The following IMMT variants were observed in gnomAD, a reference collection of about 807,000 sequenced individuals.
The protein encoded by IMMT is MICOS complex subunit MIC60.
A neutral mutation model predicts 92.7 loss-of-function variants in IMMT; 40 were observed. The observed-to-expected ratio is 0.43, with a 90% CI of 0.34 to 0.56. The LOEUF (loss-of-function observed/expected upper bound fraction) is 0.56. Among genes scored for constraint, IMMT ranks in the 20% least tolerant of loss-of-function variants. IMMT has a pLI of 0.03. For synonymous variants in IMMT, 322 were observed against 336.1 expected (o/e 0.96, Z 0.46); for missense variants, 831 against 912.1 (o/e 0.91, Z 1.14).
chr2:86,144,304 G>T lies in IMMT; in HGVS notation c.2241C>A (p.Ala747=). 1.2e-6 allele frequency: 2 copies of T among 1,613,830 alleles called. No homozygotes were observed. Among genetic ancestry groups the T allele is most frequent in the East Asian group, 2.2e-5 (1 of 44,876 alleles). ...GCACCTGAGTGGTTCCTATTCCTAC[G>T]GCGCTGGCATATGCTGTCAGGATTT... ...IVEILTAYAS[A]VGIGTTQVQP... Residue 747 remains alanine (A), a synonymous_variant, in exon 15 of 15, where the codon GCC becomes GCA. Transcript: ENST00000410111.
intron 10 of IMMT, among the ~76,000 whole-genome samples, chr2:86,154,150 C>T (rs112061166): frequency 0.055 from 8,272 of 151,182 alleles, 774 homozygotes; most frequent in African/African-American, 0.19. Flanking sequence ...AGGCATGAGC[C>T]ACTGCACCCA....
intron 1 of IMMT, chr2:86,193,155 G>C (rs1673268840): frequency 6.6e-6 from 1 of 151,802 alleles, no homozygotes; most frequent in Non-Finnish European, 1.5e-5. Context: ...TATATTCCCA[G>C]CATTTTGGGA....
chr2:86,152,955 G>A lies in IMMT; in HGVS notation c.1177+605C>T, dbSNP rs1413743965. On this transcript the variant is annotated intron_variant, in intron 11 of 14. Transcript: ENST00000410111. ...ATTGACTAAACTCAACATGTGGAAC[G>A]TCTATGGGTTATCGATTCAAATAAA... Among the ~76,000 whole-genome samples the A allele has an allele frequency of 3.3e-5, 5 of 152,174 alleles. No individual in the cohort carries two copies. The East Asian group carries it at 5.8e-4, about 18-fold the overall frequency.
chr2:86,171,860 A>G (rs201083427), intron 4 of IMMT, among the ~76,000 whole-genome samples: 2 of 112,538 alleles, frequency 1.8e-5, no homozygotes, highest in East Asian at 4.2e-4. Flanking sequence ...ATATATATAT[A>G]TATTTTTTGC....
rs1433663669 is a variant in IMMT, at chr2:86,146,624, A to G, written c.1534-427T>C. Among the ~76,000 whole-genome samples, 4 of 152,154 alleles carry G rather than the reference A, an allele frequency of 2.6e-5. No individual in the cohort carries two copies. The East Asian group carries it at 7.7e-4, about 29-fold the overall frequency. On this transcript the variant is annotated intron_variant, in intron 13 of 14. Coordinates refer to ENST00000410111, the MANE Select transcript of IMMT (RefSeq NM_006839.3). ...GTGATCCGCCCACCTCGGCCTCCCA[A>G]AGTGCTGGGATTACAGGCGTGAGCC...
In IMMT at chr2:86,145,356, G is replaced by A. The variant is rs954165773; in HGVS notation, c.1664-475C>T. On this transcript the variant is annotated intron_variant, in intron 14 of 14. Transcript: ENST00000410111. Reference sequence around the variant, plus strand: ...CTAAAAATACAAAACCTAGCCAGGCGTGGTGGCACGCACCTGTATTCCCAG... The same window carrying A: ...CTAAAAATACAAAACCTAGCCAGGCATGGTGGCACGCACCTGTATTCCCAG... Among the ~76,000 whole-genome samples the A allele has an allele frequency of 5.1e-4, 77 of 152,016 alleles. 1 individual carries two copies. Among genetic ancestry groups the A allele is most frequent in the Admixed American group, 4.9e-3 (75 of 15,264 alleles).
At chr2:86,182,455 C>T (rs920400135) in intron 1 of IMMT, among the ~76,000 whole-genome samples, 5 of 152,170 alleles carry the variant, frequency 3.3e-5, no homozygotes, top group Admixed American at 6.5e-5. Context: ...AAACAGCTAA[C>T]TAATGCAGTC....
chr2:86,161,023 G>A (rs535242406), intron 8 of IMMT, among the ~76,000 whole-genome samples: 12 of 152,002 alleles, frequency 7.9e-5, no homozygotes, highest in African/African-American at 2.9e-4. Flanking sequence ...GCTTGAGCCC[G>A]GGAGGTTGAG....
At chr2:86,150,944 T>C (rs773563442) in intron 12 of IMMT, among the ~76,000 whole-genome samples, 1 of 151,558 alleles carries the variant, frequency 6.6e-6, no homozygotes, top group Non-Finnish European at 1.5e-5. Flanking sequence ...TTTGAGACAG[T>C]CTTGCTCCAT....
In IMMT at chr2:86,151,416, G is replaced by C. The variant is rs1675461346; in HGVS notation, c.1282C>G (p.Gln428Glu). Residue 428 changes from glutamine to glutamate, a missense_variant, in exon 12 of 15, where the codon CAG becomes GAG. Coordinates refer to ENST00000410111, the MANE Select transcript of IMMT (RefSeq NM_006839.3). ...ELAEQKATEK[Q>E]HITLALEKQK... ...TTCTCCAAGGCTAACGTGATGTGCT[G>C]CTTTTCGGTGGCCTTCTGTTCTGCC... The C allele has an allele frequency of 3.7e-6, 6 of 1,613,958 alleles. No individual in the cohort carries two copies. Among genetic ancestry groups the C allele is most frequent in the Non-Finnish European group, 5.1e-6 (6 of 1,179,872 alleles).
chr2:86,153,092 T>A (rs2104723525), intron 11 of IMMT, among the ~76,000 whole-genome samples: 1 of 152,280 alleles, frequency 6.6e-6, no homozygotes, highest in African/African-American at 2.4e-5. Context: ...TATGGTGATG[T>A]TTTTGAAACA....
chr2:86,186,157 C>T (rs1193080153), intron 1 of IMMT, among the ~76,000 whole-genome samples: 3 of 152,254 alleles, frequency 2.0e-5, no homozygotes, highest in Middle Eastern at 3.4e-3. Context: ...CCCTAGGGAC[C>T]ACATTCAAGA....
intron 13 of IMMT, among the ~76,000 whole-genome samples, chr2:86,146,638 C>G (rs190406785): frequency 6.6e-6 from 1 of 152,118 alleles, no homozygotes; most frequent in Admixed American, 6.5e-5. Flanking sequence ...GCTGGGATTA[C>G]AGGCGTGAGC....
At chr2:86,148,570 CTG>C (rs1675221236) in intron 12 of IMMT, among the ~76,000 whole-genome samples, 2 of 152,198 alleles carry the variant, frequency 1.3e-5, no homozygotes, top group Non-Finnish European at 2.9e-5. Context: ...CAAGATTGCG[CTG>C]CTGCACTCCA....
chr2:86,171,964 T>G (rs1393751929), intron 4 of IMMT, among the ~76,000 whole-genome samples: 154 of 39,230 alleles, frequency 3.9e-3, no homozygotes, highest in African/African-American at 0.012. Context: ...AGTATATTTT[T>G]TTTTTTTTTT....
At chr2:86,183,435 G>A (rs1442080685) in intron 1 of IMMT, among the ~76,000 whole-genome samples, 2 of 152,168 alleles carry the variant, frequency 1.3e-5, no homozygotes, top group East Asian at 1.9e-4. Context: ...GAACAACCAC[G>A]CCCAGCATCA....
chr2:86,186,114 T>C (rs762778991), intron 1 of IMMT, among the ~76,000 whole-genome samples: 13 of 152,174 alleles, frequency 8.5e-5, no homozygotes, highest in Non-Finnish European at 1.5e-4. Flanking sequence ...TACAGGGCTT[T>C]AGATCACCAA....
chr2:86,183,005 A>G (rs560322910), intron 1 of IMMT, among the ~76,000 whole-genome samples: 1 of 152,308 alleles, frequency 6.6e-6, no homozygotes, highest in South Asian at 2.1e-4. Context: ...TATTCTGTAA[A>G]GTAGTATGAA....
At chr2:86,145,986 G>T in intron 14 of IMMT, 82 bp downstream of exon 14, 2 of 1,136,566 alleles carry the variant, frequency 1.8e-6, no homozygotes, top group Non-Finnish European at 2.4e-6. Flanking sequence ...GTCAGTACAT[G>T]TACCCCATTT....
Sources: allele counts gnomAD v4.1 joint callset (sites outside exome capture counted in the v4.1 genomes callset), GRCh38; gene constraint gnomAD v4.1.1; transcripts MANE v1.5; gene names NCBI Gene and HGNC (gene_info 2026-07-23, HGNC 2026-07-21).